Variants in ITFG2 observed in about 807,000 individuals in gnomAD.
ITFG2 encodes KICSTOR complex protein ITFG2.
Under a neutral mutation model 54.4 loss-of-function variants are expected in ITFG2, and 36 were observed. That is an observed-to-expected ratio of 0.66 (90% CI 0.51 to 0.87). The LOEUF is 0.87. Among genes scored for constraint, ITFG2 ranks in the 40% least tolerant of loss-of-function variants. The pLI is 0.00. For synonymous variants in ITFG2, 211 were observed against 225.4 expected, an observed-to-expected ratio of 0.94 and a Z score of 0.57; for missense variants, 524 against 576.7, an observed-to-expected ratio of 0.91 and a Z score of 0.94.
chr12:2,840,104 CAAA>C (rs59246625), intron 1 of ITFG2, among the ~76,000 whole-genome samples: 4 of 104,836 alleles, frequency 3.8e-5, no homozygotes, highest in Non-Finnish European at 4.2e-5. Flanking sequence ...TGAATCTAAC[CAAA>C]AAAAAAAAAA....
At position 2,818,197 on chromosome 12, in the gene ITFG2, C is replaced by CA; in HGVS notation, c.327dup (p.Leu110ThrfsTer33). Reference sequence around the variant, plus strand: ...TTGGATGCTTCTGGGCACCACGAGACACTAATCGGAGAGGAGCAGCGTCCA... The same window carrying CA: ...TTGGATGCTTCTGGGCACCACGAGACAACTAATCGGAGAGGAGCAGCGTCCA... On this transcript the variant is annotated frameshift_variant, in exon 4 of 12. Transcript: ENST00000228799. LOFTEE classifies it high-confidence loss of function. The CA allele has an allele frequency of 1.9e-6, 3 of 1,614,138 alleles. No individual in the cohort carries two copies. The highest frequency in any genetic ancestry group is 2.5e-6 in the Non-Finnish European group (3 of 1,180,044).
rs2153924536 is a variant in ITFG2, at chr12:2,820,834, G to A, written c.657G>A (p.Gly219=). 2 of 1,614,034 alleles carry A rather than the reference G, an allele frequency of 1.2e-6. No homozygotes were observed. Among genetic ancestry groups the A allele is most frequent in the Non-Finnish European group, 1.7e-6 (2 of 1,179,970 alleles). Residue 219 remains glycine (G), a synonymous_variant, in exon 6 of 12, where the codon GGG becomes GGA. Transcript: ENST00000228799. ...ILLCTWKKDT[G]SPPASEGPTD... is the part of the protein sequence containing the mutation. ...TGTGTACCTGGAAAAAGGACACTGG[G>A]TCCCCTCCTGCCTCTGAAGGGCCCA... is the stretch of plus-strand genomic sequence containing the variant.
intron 2 of ITFG2, among the ~76,000 whole-genome samples, chr12:2,853,845 C>T (rs374280750): frequency 7.9e-4 from 120 of 152,142 alleles, no homozygotes; most frequent in African/African-American, 2.6e-3. Flanking sequence ...TTCCTGGCTC[C>T]GCTCCCGACT....
intron 2 of ITFG2, among the ~76,000 whole-genome samples, chr12:2,842,489 C>CT (rs1423298681): frequency 8.6e-4 from 130 of 151,900 alleles, no homozygotes; most frequent in Middle Eastern, 3.4e-3. Flanking sequence ...AGCCTGTAAT[C>CT]CCACATTTTT....
rs181334854 is a variant in ITFG2 at position 2,846,939 on chromosome 12, G to A, written n.300+5944G>A. On this transcript the variant is annotated intron_variant and non_coding_transcript_variant, in intron 2 of 3. Transcript: ENST00000537710. Reference sequence around the variant, plus strand: ...CAAAATTTACCATTTTAAAGTGTACGTACACTTCAGTGGCTTTTCATATAT... The same window carrying A: ...CAAAATTTACCATTTTAAAGTGTACATACACTTCAGTGGCTTTTCATATAT... 2.1e-3 allele frequency among the ~76,000 whole-genome samples: 317 copies of A among 152,156 alleles called. 2 individuals are homozygous for A. Among genetic ancestry groups the A allele is most frequent in the African/African-American group, 7.0e-3 (292 of 41,514 alleles).
intron 1 of ITFG2, 168 bp downstream of exon 1, chr12:2,813,024 G>T: frequency 1.8e-6 from 1 of 546,696 alleles, no homozygotes. Flanking sequence ...TTCGTGGTTG[G>T]TTTTGTTCCT....
intron 8 of ITFG2, 37 bp from the exon 9 acceptor site, chr12:2,821,655 T>C: frequency 1.2e-6 from 2 of 1,612,910 alleles, no homozygotes; most frequent in East Asian, 4.5e-5. Context: ...GCTCGGGGCC[T>C]ATCCCACCCA....
At chr12:2,827,461 C>T (rs1161091218), downstream of ITFG2, 7 of 985,316 alleles carry the variant, frequency 7.1e-6, no homozygotes, top group African/African-American at 1.0e-4. This position sits in a 1 kb window ranked among gnomAD's most constrained non-coding sequence, Gnocchi z 4.0. Flanking sequence ...TGACCCAGTT[C>T]TCTTGATTTT....
intron 2 of ITFG2, chr12:2,830,609 C>T: frequency 7.5e-7 from 1 of 1,327,168 alleles, no homozygotes; most frequent in Middle Eastern, 2.4e-4. Context: ...CCCTTTCTCC[C>T]TCCCTCCCTC....
chr12:2,853,763 T>C (rs1413917257), intron 2 of ITFG2, among the ~76,000 whole-genome samples: 3 of 152,130 alleles, frequency 2.0e-5, no homozygotes, highest in Non-Finnish European at 2.9e-5. Context: ...TGGACACAGT[T>C]GGGAAGCATC....
In ITFG2 at chr12:2,824,081, G is replaced by A. The variant is rs1429163146; in HGVS notation, c.1241-9G>A. On this transcript the variant is annotated splice_polypyrimidine_tract_variant and intron_variant, in intron 11 of 11. Coordinates refer to ENST00000228799, the MANE Select transcript of ITFG2 (RefSeq NM_018463.4). The stretch of plus-strand genomic sequence containing the variant: ...CACAGCCTCTTACCCACCCCTTCTT[G>A]GCTCTCAGATCCTGACGACCTCCCT... 1.2e-6 allele frequency: 2 copies of A among 1,614,036 alleles called. No individual in the cohort carries two copies. The highest frequency in any genetic ancestry group is 2.2e-5 in the East Asian group (1 of 44,862).
chr12:2,813,094 T>C (rs2097913167), intron 1 of ITFG2, among the ~76,000 whole-genome samples: 1 of 152,236 alleles, frequency 6.6e-6, no homozygotes, highest in South Asian at 2.1e-4. Context: ...TGGAGTGCAG[T>C]GGCTTGATTT....
At chr12:2,859,279 G>C (rs367655331) in intron 3 of ITFG2, 2 of 1,613,620 alleles carry the variant, frequency 1.2e-6, no homozygotes, top group Admixed American at 1.7e-5. Flanking sequence ...CAGGGAGGCA[G>C]TAGATGCTGT....
intron 2 of ITFG2, among the ~76,000 whole-genome samples, chr12:2,846,777 A>G (rs2098054490): frequency 6.6e-6 from 1 of 151,688 alleles, no homozygotes; most frequent in Non-Finnish European, 1.5e-5. Context: ...ATAGACTCAC[A>G]TACACCAAGC....
chr12:2,827,304 G>C (rs544280200), downstream of ITFG2: 1 of 1,612,708 alleles, frequency 6.2e-7, no homozygotes, highest in Non-Finnish European at 8.5e-7. The surrounding 1 kb of genome is among the most constrained non-coding windows in gnomAD (Gnocchi z 4.0). Flanking sequence ...GCAGCACTGC[G>C]GGGTGTAGAG....
At chr12:2,833,362 G>A (rs965630385), upstream of ITFG2, among the ~76,000 whole-genome samples, 2 of 152,000 alleles carry the variant, frequency 1.3e-5, no homozygotes, top group African/African-American at 4.8e-5. Context: ...TAAGCCCCTG[G>A]CAGTTCCCTG....
At chr12:2,814,674 T>C (rs2097917370) in intron 1 of ITFG2, among the ~76,000 whole-genome samples, 2 of 150,258 alleles carry the variant, frequency 1.3e-5, no homozygotes. Flanking sequence ...TACAAAAAAA[T>C]AGAAAAAATT....
At chr12:2,859,232 G>A (rs2098102327) in intron 3 of ITFG2, 1 of 1,613,446 alleles carries the variant, frequency 6.2e-7, no homozygotes, top group Admixed American at 1.7e-5. Context: ...GGGAAGTACT[G>A]GGCCCCTCTG....
At chr12:2,848,746 T>G (rs1382556146) in intron 2 of ITFG2, among the ~76,000 whole-genome samples, 1 of 152,140 alleles carries the variant, frequency 6.6e-6, no homozygotes, top group Non-Finnish European at 1.5e-5. Context: ...TTTGGTTATT[T>G]TTGCCTAAGA....
Sources: gnomAD v4.1 joint callset for allele counts (sites outside exome capture counted in the v4.1 genomes callset) on GRCh38, gnomAD v4.1.1 for gene constraint, Gnocchi (gnomAD v3.1) non-coding constraint, MANE v1.5 for transcripts, NCBI Gene and HGNC (gene_info 2026-07-23, HGNC 2026-07-21) for gene names.